ZSCAN4: variants seen among roughly 807,000 people sequenced by gnomAD.
The protein encoded by ZSCAN4 is zinc finger and SCAN domain containing 4, also known as zinc finger and SCAN domain-containing protein 4.
Under a neutral mutation model 18.3 loss-of-function variants are expected in ZSCAN4, and 18 were observed. The observed-to-expected ratio is 0.98, with a 90% CI of 0.68 to 1.46. The LOEUF is 1.46. Among genes scored for constraint, ZSCAN4 ranks in the 40% most tolerant of loss-of-function variants. ZSCAN4 has a pLI of 0.00. For missense variants in ZSCAN4, 498 were observed against 511.4 expected, an observed-to-expected ratio of 0.97 and a Z score of 0.25; for synonymous variants, 193 against 180.3, an observed-to-expected ratio of 1.07 and a Z score of -0.57.
chr19:57,657,077 C>T, the ZSCAN4 span, among the ~76,000 whole-genome samples: 1 of 152,092 alleles, frequency 6.6e-6, no homozygotes, highest in African/African-American at 2.4e-5. Context: ...GAAACCTCGT[C>T]TCTAGTAAAA....
In ZSCAN4 at chr19:57,676,204, C is replaced by A; in HGVS notation, c.59C>A (p.Ser20Ter). Residue 20 changes from serine to a stop codon, truncating the protein, a stop_gained, in exon 3 of 5, where the codon TCA becomes TAA. Transcript: ENST00000318203. LOFTEE classifies it high-confidence loss of function. ...GAACCATCCGAGAATAATCTTGGAT[C>A]AGAAAATTCAGCGTTTCAACAAAGC... 1 of 1,613,994 alleles carries A rather than the reference C, an allele frequency of 6.2e-7. No individual in the cohort carries two copies. Among genetic ancestry groups the A allele is most frequent in the South Asian group, 1.1e-5 (1 of 91,064 alleles).
chr19:57,660,343 A>G, the ZSCAN4 span, among the ~76,000 whole-genome samples: 1 of 152,174 alleles, frequency 6.6e-6, no homozygotes, highest in African/African-American at 2.4e-5. Context: ...ACATGTTAAG[A>G]ACAGTTAGAT....
the ZSCAN4 span, among the ~76,000 whole-genome samples, chr19:57,655,671 A>G: frequency 7.2e-5 from 11 of 152,220 alleles, no homozygotes; most frequent in African/African-American, 2.6e-4. Flanking sequence ...CACCTCCTAC[A>G]TAAACAACCT....
At chr19:57,656,920 G>T in the ZSCAN4 span, among the ~76,000 whole-genome samples, 600 of 152,170 alleles carry the variant, frequency 3.9e-3, 5 homozygotes, top group Non-Finnish European at 4.0e-3. Context: ...CAGGGAGGTC[G>T]AAGCTTCAGT....
chr19:57,666,494 C>T (rs930329240), upstream of ZSCAN4, among the ~76,000 whole-genome samples: 1 of 151,400 alleles, frequency 6.6e-6, no homozygotes, highest in African/African-American at 2.4e-5. Context: ...AATGTTGTTC[C>T]TTTTTTGAAG....
upstream of ZSCAN4, chr19:57,664,197 G>C (rs1983792577): frequency 1.3e-5 from 2 of 151,520 alleles, no homozygotes; most frequent in Admixed American, 1.3e-4. Context: ...GGGAGGACGA[G>C]AGGAAGGGAG....
the ZSCAN4 span, among the ~76,000 whole-genome samples, chr19:57,663,145 C>T: frequency 3.3e-5 from 5 of 151,404 alleles, no homozygotes; most frequent in South Asian, 2.1e-4. Flanking sequence ...TCAAGTGATC[C>T]GCCCGCCTCG....
the ZSCAN4 span, among the ~76,000 whole-genome samples, chr19:57,660,929 C>T: frequency 6.6e-6 from 1 of 152,122 alleles, no homozygotes; most frequent in Non-Finnish European, 1.5e-5. Flanking sequence ...AAAATTGAGC[C>T]TTCCTTACTA....
the ZSCAN4 span, among the ~76,000 whole-genome samples, chr19:57,661,891 G>A: frequency 4.6e-5 from 7 of 152,162 alleles, no homozygotes; most frequent in East Asian, 1.4e-3. Flanking sequence ...AGACCAGCCT[G>A]GCCAACATGA....
chr19:57,664,033 A>C (rs949425118), upstream of ZSCAN4, among the ~76,000 whole-genome samples: 2 of 152,210 alleles, frequency 1.3e-5, no homozygotes, highest in South Asian at 4.1e-4. Context: ...CAGGAGGCTG[A>C]GGCAGGAGAA....
upstream of ZSCAN4, chr19:57,664,893 G>T: frequency 1.3e-5 from 2 of 157,932 alleles, no homozygotes; most frequent in South Asian, 3.4e-4. Context: ...CGCCAAAAAG[G>T]AAAGTCCTTT....
intron 2 of ZSCAN4, among the ~76,000 whole-genome samples, chr19:57,675,788 G>A (rs1984162416): frequency 6.6e-6 from 1 of 152,198 alleles, no homozygotes; most frequent in African/African-American, 2.4e-5. Context: ...ATGTATATGT[G>A]AGTAGATTTT....
At chr19:57,660,568 A>G in the ZSCAN4 span, among the ~76,000 whole-genome samples, 1 of 152,262 alleles carries the variant, frequency 6.6e-6, no homozygotes, top group Non-Finnish European at 1.5e-5. Flanking sequence ...TTACAGATAA[A>G]TATGGGGGAG....
At chr19:57,654,060 G>T in the ZSCAN4 span, among the ~76,000 whole-genome samples, 1 of 152,056 alleles carries the variant, frequency 6.6e-6, no homozygotes, top group Admixed American at 6.6e-5. Context: ...TTGGATACTG[G>T]GCAACATACT....
rs368806837 is a variant in ZSCAN4 at position 57,677,882 on chromosome 19, C to T, written c.397-32C>T. ...AAAGTCTTCTGTTACACAACAGATTCAGATACAACAGTGATCTGGCTTTCT... is the reference window on the plus strand; with the variant it reads ...AAAGTCTTCTGTTACACAACAGATTTAGATACAACAGTGATCTGGCTTTCT... On this transcript the variant is annotated intron_variant, in intron 3 of 4. Transcript: ENST00000318203. 5.3e-6 allele frequency: 8 copies of T among 1,499,458 alleles called. No homozygotes were observed. In the African/African-American group the frequency reaches 1.1e-4, roughly 21 times the overall value. 92.9% of individuals were successfully genotyped at this position (1,499,458 alleles called of 1,614,324 possible). A position where few individuals can be genotyped will look rare whatever the true frequency, so the allele number is the denominator to read the frequency against.
intron 2 of ZSCAN4, among the ~76,000 whole-genome samples, chr19:57,674,622 A>C (rs751406317): frequency 1.7e-4 from 26 of 152,304 alleles, no homozygotes; most frequent in Middle Eastern, 3.4e-3. Context: ...CTAGTGCTGC[A>C]ATCAAAATAT....
the ZSCAN4 span, among the ~76,000 whole-genome samples, chr19:57,651,598 T>G: frequency 3.3e-5 from 5 of 152,314 alleles, 1 homozygote; most frequent in East Asian, 9.7e-4. Context: ...AAACCTGTGT[T>G]GCCATAGAGC....
At chr19:57,674,506 T>C (rs1984118078) in intron 2 of ZSCAN4, among the ~76,000 whole-genome samples, 1 of 152,228 alleles carries the variant, frequency 6.6e-6, no homozygotes, top group Non-Finnish European at 1.5e-5. Flanking sequence ...CTAATTTCAT[T>C]CTTTTTTATG....
upstream of ZSCAN4, among the ~76,000 whole-genome samples, chr19:57,667,600 T>C (rs774313631): frequency 6.6e-6 from 1 of 152,226 alleles, no homozygotes; most frequent in Non-Finnish European, 1.5e-5. Context: ...TCCCTGATGC[T>C]ATTACTACTC....
Sources: allele counts gnomAD v4.1 joint callset (sites outside exome capture counted in the v4.1 genomes callset), GRCh38; gene constraint gnomAD v4.1.1; transcripts MANE v1.5; gene names NCBI Gene and HGNC (gene_info 2026-07-23, HGNC 2026-07-21).